Variants in KLF12 observed in about 807,000 individuals in gnomAD.
The protein encoded by KLF12 is KLF transcription factor 12.
Under a neutral mutation model 37.8 loss-of-function variants are expected in KLF12, and 9 were observed. That is an observed-to-expected ratio of 0.24 (90% CI 0.14 to 0.42). KLF12 has a LOEUF of 0.42. Ranked by LOEUF, KLF12 falls within the 10% of genes least tolerant of loss-of-function variation. The pLI, the probability that KLF12 is intolerant of heterozygous loss-of-function variation, is 1.00. For missense variants in KLF12, 411 were observed against 516.0 expected, an observed-to-expected ratio of 0.80 and a Z score of 1.97; for synonymous variants, 208 against 202.1, an observed-to-expected ratio of 1.03 and a Z score of -0.25.
chr13:73,710,832 T>C (rs990419205), intron 7 of KLF12, among the ~76,000 whole-genome samples: 3 of 152,184 alleles, frequency 2.0e-5, no homozygotes, highest in African/African-American at 7.2e-5. Flanking sequence ...TCAAAAGCTA[T>C]AAATGATTAT....
intron 2 of KLF12, among the ~76,000 whole-genome samples, chr13:73,967,860 G>A (rs995790261): frequency 1.8e-4 from 28 of 152,058 alleles, no homozygotes; most frequent in Admixed American, 1.7e-3. Context: ...CATCAGTGAC[G>A]ATGAAATGCT....
At chr13:74,273,759 G>T in the KLF12 span, among the ~76,000 whole-genome samples, 1 of 152,190 alleles carries the variant, frequency 6.6e-6, no homozygotes, top group Admixed American at 6.5e-5. Context: ...TCTGGGAAAA[G>T]CCAAGATCAC....
At chr13:73,871,489 G>A (rs1886462933) in intron 3 of KLF12, among the ~76,000 whole-genome samples, 1 of 152,188 alleles carries the variant, frequency 6.6e-6, no homozygotes, top group Non-Finnish European at 1.5e-5. Context: ...TGAGCGGGGA[G>A]AAAATGCAGG....
chr13:74,020,316 G>A (rs1024850887), intron 1 of KLF12, among the ~76,000 whole-genome samples: 1 of 152,118 alleles, frequency 6.6e-6, no homozygotes, highest in Non-Finnish European at 1.5e-5. Context: ...TATCACAGCT[G>A]TGCTGAAGAA....
At chr13:73,885,626 G>A (rs1436864321) in intron 3 of KLF12, among the ~76,000 whole-genome samples, 1 of 152,184 alleles carries the variant, frequency 6.6e-6, no homozygotes, top group East Asian at 1.9e-4. Flanking sequence ...AGAGAGGAAG[G>A]ATCAAGCTTT....
chr13:73,978,860 A>G (rs1038450200), intron 2 of KLF12, among the ~76,000 whole-genome samples: 4 of 152,242 alleles, frequency 2.6e-5, no homozygotes, highest in African/African-American at 9.6e-5. Flanking sequence ...ATCAGTCATG[A>G]AAAGACATGA....
intron 1 of KLF12, among the ~76,000 whole-genome samples, chr13:74,016,241 T>C (rs1192680475): frequency 6.6e-6 from 1 of 152,038 alleles, no homozygotes; most frequent in Non-Finnish European, 1.5e-5. Flanking sequence ...TTCATTAATA[T>C]GAATCATTAG....
In KLF12 at chr13:74,090,477, C is replaced by T. The variant is rs190601285; in HGVS notation, c.-32+43262G>A. Reference sequence around the variant, plus strand: ...TTAATCTACAGATTCAATGTAATCCCTACCAGAATCATAACTGACTTCTCT... The same window carrying T: ...TTAATCTACAGATTCAATGTAATCCTTACCAGAATCATAACTGACTTCTCT... On this transcript the variant is annotated intron_variant, in intron 1 of 7. Transcript: ENST00000377669. Among the ~76,000 whole-genome samples, 19 of 152,254 alleles carry T rather than the reference C, an allele frequency of 1.2e-4. No individual in the cohort carries two copies. In the East Asian group the frequency reaches 3.1e-3, roughly 25 times the overall value.
chr13:74,102,725 T>C (rs944583326), intron 1 of KLF12, among the ~76,000 whole-genome samples: 2 of 151,780 alleles, frequency 1.3e-5, no homozygotes, highest in African/African-American at 4.8e-5. Flanking sequence ...ACATCATCAC[T>C]GGCTGAGGGT....
intron 7 of KLF12, 103 bp from the exon 8 acceptor site, chr13:73,695,774 C>T (rs1389879358): frequency 3.6e-6 from 4 of 1,103,558 alleles, no homozygotes; most frequent in Non-Finnish European, 5.3e-6. Flanking sequence ...AATGAATTTT[C>T]CCGTTGGTAA....
chr13:74,068,800 G>T (rs903166353), intron 1 of KLF12, among the ~76,000 whole-genome samples: 1 of 152,030 alleles, frequency 6.6e-6, no homozygotes, highest in Non-Finnish European at 1.5e-5. Flanking sequence ...CAAGTGATCT[G>T]CCCACTTTGA....
chr13:74,293,865 T>C, the KLF12 span, among the ~76,000 whole-genome samples: 8 of 152,316 alleles, frequency 5.3e-5, no homozygotes, highest in Non-Finnish European at 8.8e-5. Context: ...AAATTAGTGC[T>C]AACCACCAGA....
chr13:73,948,906 G>T (rs1409330260), intron 2 of KLF12, among the ~76,000 whole-genome samples: 2 of 152,146 alleles, frequency 1.3e-5, no homozygotes, highest in Non-Finnish European at 2.9e-5. Context: ...TCACACAGTG[G>T]CATGAAGCAA....
chr13:74,230,197 C>T, the KLF12 span, among the ~76,000 whole-genome samples: 1 of 152,066 alleles, frequency 6.6e-6, no homozygotes, highest in African/African-American at 2.4e-5. Flanking sequence ...TAAGTTCTCA[C>T]GAGATCATAT....
intron 6 of KLF12, among the ~76,000 whole-genome samples, chr13:73,755,324 C>T (rs1879080133): frequency 6.6e-6 from 1 of 152,016 alleles, no homozygotes; most frequent in South Asian, 2.1e-4. Context: ...GAGGGTGTTC[C>T]AAATACATTA....
intron 3 of KLF12, among the ~76,000 whole-genome samples, chr13:73,857,073 T>C (rs1051898137): frequency 5.3e-5 from 8 of 152,154 alleles, no homozygotes; most frequent in Non-Finnish European, 1.0e-4. Flanking sequence ...TCAAGGAAAG[T>C]TAAGGCAGAT....
intron 5 of KLF12, among the ~76,000 whole-genome samples, chr13:73,795,254 A>G (rs1453690071): frequency 6.6e-6 from 1 of 152,172 alleles, no homozygotes; most frequent in African/African-American, 2.4e-5. Context: ...AGCTTCTCCC[A>G]TGAAAGAGAG....
At chr13:74,206,713 T>A in the KLF12 span, among the ~76,000 whole-genome samples, 1 of 152,210 alleles carries the variant, frequency 6.6e-6, no homozygotes, top group African/African-American at 2.4e-5. Flanking sequence ...TTTGTCTTTC[T>A]CGCTGCGACA....
the KLF12 span, among the ~76,000 whole-genome samples, chr13:74,236,998 A>G: frequency 3.0e-5 from 3 of 99,860 alleles, no homozygotes; most frequent in African/African-American, 1.3e-4. Flanking sequence ...TTGGTGTTTT[A>G]GACATGAAGT....
Sources: allele counts gnomAD v4.1 joint callset (sites outside exome capture counted in the v4.1 genomes callset), GRCh38; gene constraint gnomAD v4.1.1; transcripts MANE v1.5; gene names NCBI Gene and HGNC (gene_info 2026-07-23, HGNC 2026-07-21).